PTPRD: variants seen among roughly 807,000 people sequenced by gnomAD.
PTPRD encodes receptor-type tyrosine-protein phosphatase delta.
A neutral mutation model predicts 214.5 loss-of-function variants in PTPRD; 34 were observed. The ratio of observed to expected loss-of-function variants is 0.16; its 90% confidence interval spans 0.12 to 0.21. The LOEUF is 0.21. Ranked by LOEUF, PTPRD falls within the 10% of genes least tolerant of loss-of-function variation. PTPRD has a pLI of 1.00. For missense variants in PTPRD, 2,545 were observed against 2,398.7 expected (o/e 1.06, Z -1.27); for synonymous variants, 1,128 against 845.7 (o/e 1.33, Z -5.79).
chr9:8,392,699 T>G (rs895288475), intron 36 of PTPRD, among the ~76,000 whole-genome samples: 23 of 152,288 alleles, frequency 1.5e-4, no homozygotes, highest in African/African-American at 5.3e-4. Flanking sequence ...AAAGCCTCCT[T>G]CTGGCAAATC....
At chr9:9,075,220 C>T (rs1314681752) in intron 10 of PTPRD, among the ~76,000 whole-genome samples, 1 of 151,920 alleles carries the variant, frequency 6.6e-6, no homozygotes, top group Admixed American at 6.6e-5. Context: ...TTGATCCAGG[C>T]ATATGATGCA....
Position 8,928,869 on chromosome 9 carries a change from A to G in PTPRD, c.-104+89828T>C, listed in dbSNP as rs2098923719. On this transcript the variant is annotated intron_variant, in intron 11 of 45. Transcript: ENST00000381196. Reference sequence around the variant, plus strand: ...GTTTGTGTCCTCTCTTATTTCCTTGAGCAGTGGTTTGCAGTTCTGCCTGAA... The same window carrying G: ...GTTTGTGTCCTCTCTTATTTCCTTGGGCAGTGGTTTGCAGTTCTGCCTGAA... Among the ~76,000 whole-genome samples the G allele has an allele frequency of 4.6e-5, 7 of 152,212 alleles. 1 individual carries two copies. In the South Asian group the frequency reaches 1.5e-3, roughly 32 times the overall value.
chr9:10,364,687 A>T (rs2154473251), intron 2 of PTPRD, among the ~76,000 whole-genome samples: 1 of 152,310 alleles, frequency 6.6e-6, no homozygotes, highest in African/African-American at 2.4e-5. Flanking sequence ...GATATAGAAC[A>T]ATCAGGCCTA....
intron 5 of PTPRD, among the ~76,000 whole-genome samples, chr9:9,806,311 G>T (rs1013530461): frequency 6.6e-6 from 1 of 151,998 alleles, no homozygotes; most frequent in Non-Finnish European, 1.5e-5. Flanking sequence ...TAGAAAACAC[G>T]TGAAGCTGGT....
intron 3 of PTPRD, among the ~76,000 whole-genome samples, chr9:10,331,558 T>C (rs1471202937): frequency 2.6e-5 from 4 of 151,836 alleles, no homozygotes; most frequent in Admixed American, 6.6e-5. Flanking sequence ...GTGCTGAAAG[T>C]GGAGCAGTCA....
intron 3 of PTPRD, among the ~76,000 whole-genome samples, chr9:10,178,909 C>T (rs10958937): frequency 0.25 from 37,607 of 151,594 alleles, 4,792 homozygotes; most frequent in South Asian, 0.37. Context: ...AAATGTATTT[C>T]TATGAGTCAC....
chr9:9,533,819 G>C (rs112155464), intron 8 of PTPRD, among the ~76,000 whole-genome samples: 2,338 of 151,998 alleles, frequency 0.015, 52 homozygotes, highest in African/African-American at 0.054. Flanking sequence ...CAAGAGAGTG[G>C]AATAGAAGGA....
At chr9:8,855,128 A>G (rs2097891154) in intron 11 of PTPRD, among the ~76,000 whole-genome samples, 1 of 7,478 alleles carries the variant, frequency 1.3e-4, no homozygotes, top group South Asian at 9.6e-3. Context: ...TGCCTACTTG[A>G]ATTTTTTTTT....
At chr9:10,281,544 G>C (rs2095112554) in intron 3 of PTPRD, among the ~76,000 whole-genome samples, 1 of 152,120 alleles carries the variant, frequency 6.6e-6, no homozygotes, top group Non-Finnish European at 1.5e-5. Flanking sequence ...TTTAAGACTA[G>C]GCATTTTAAT....
intron 2 of PTPRD, among the ~76,000 whole-genome samples, chr9:10,361,498 A>T (rs2097391181): frequency 6.6e-6 from 1 of 152,160 alleles, no homozygotes; most frequent in South Asian, 2.1e-4. Flanking sequence ...GGGGCAGGAA[A>T]AAAAGGGGCT....
At chr9:10,180,140 T>A (rs967856245) in intron 3 of PTPRD, among the ~76,000 whole-genome samples, 1 of 152,070 alleles carries the variant, frequency 6.6e-6, no homozygotes, top group Non-Finnish European at 1.5e-5. Flanking sequence ...TATACAATAT[T>A]TGAAAATTTA....
intron 14 of PTPRD, among the ~76,000 whole-genome samples, chr9:8,612,688 G>C (rs1179984980): frequency 6.6e-6 from 1 of 152,220 alleles, no homozygotes; most frequent in African/African-American, 2.4e-5. Context: ...GTTTTGGAGG[G>C]ATGTTCACTG....
In PTPRD at chr9:9,672,831, G is replaced by A. The variant is rs1318153044; in HGVS notation, c.-287+61702C>T. Among the ~76,000 whole-genome samples, 22 of 152,000 alleles carry A rather than the reference G, an allele frequency of 1.4e-4. 1 individual carries two copies. The highest frequency in any genetic ancestry group is 1.4e-3 in the Admixed American group (21 of 15,250). The stretch of plus-strand genomic sequence containing the variant: ...CTAAATCTGCATATTTCTAATGCCT[G>A]AAAATGGAAATAAAAACAGTATAAA... On this transcript the variant is annotated intron_variant, in intron 7 of 45. Coordinates refer to ENST00000381196, the MANE Select transcript of PTPRD (RefSeq NM_002839.4).
At chr9:9,333,526 A>ATATATATAT (rs1569567452) in intron 9 of PTPRD, among the ~76,000 whole-genome samples, 3 of 142,662 alleles carry the variant, frequency 2.1e-5, no homozygotes, top group African/African-American at 8.3e-5. Context: ...ATATATATAT[A>ATATATATAT]AAGTCTGCAA....
In PTPRD at chr9:10,563,560, C is replaced by T. The variant is rs148894000; in HGVS notation, c.-600+48838G>A. 4.6e-3 allele frequency among the ~76,000 whole-genome samples: 695 copies of T among 152,154 alleles called. 4 individuals are homozygous for T. The highest frequency in any genetic ancestry group is 0.016 in the African/African-American group (650 of 41,526). On this transcript the variant is annotated intron_variant, in intron 2 of 45. Transcript: ENST00000381196. Reference sequence around the variant, plus strand: ...ATAAATATTACTAATGAATTAGTTACATTATTTAAAATATATTTATTTCAA... The same window carrying T: ...ATAAATATTACTAATGAATTAGTTATATTATTTAAAATATATTTATTTCAA...
chr9:10,279,773 G>A (rs569954926), intron 3 of PTPRD, among the ~76,000 whole-genome samples: 79 of 151,644 alleles, frequency 5.2e-4, no homozygotes, highest in African/African-American at 1.9e-3. Context: ...AACACTATAA[G>A]GGATCTAAGT....
intron 3 of PTPRD, among the ~76,000 whole-genome samples, chr9:10,286,056 T>C (rs370518683): frequency 1.3e-5 from 2 of 152,202 alleles, no homozygotes; most frequent in Non-Finnish European, 2.9e-5. Context: ...TATATGTGTA[T>C]GTATATGCAT....
intron 11 of PTPRD, among the ~76,000 whole-genome samples, chr9:8,812,426 G>C (rs970550909): frequency 6.6e-5 from 10 of 152,142 alleles, no homozygotes; most frequent in East Asian, 1.9e-4. Context: ...TGCTAATTAA[G>C]AATCCCCTGC....
chr9:9,542,789 A>T, intron 8 of PTPRD, among the ~76,000 whole-genome samples: 1 of 151,686 alleles, frequency 6.6e-6, no homozygotes. Flanking sequence ...AAATGCTTAA[A>T]ATCAACAATA....
Sources: allele counts gnomAD v4.1 joint callset (sites outside exome capture counted in the v4.1 genomes callset), GRCh38; gene constraint gnomAD v4.1.1; transcripts MANE v1.5; gene names NCBI Gene and HGNC (gene_info 2026-07-23, HGNC 2026-07-21).